The following IL1RAPL2 variants were observed in gnomAD, a reference collection of about 807,000 sequenced individuals.
IL1RAPL2 encodes interleukin 1 receptor accessory protein like 2.
IL1RAPL2 carries 3 observed loss-of-function variants against 44.1 expected under a neutral mutation model. The ratio of observed to expected loss-of-function variants is 0.07; its 90% CI spans 0.03 to 0.18. The LOEUF (loss-of-function observed/expected upper bound fraction) is 0.18. Ranked by LOEUF, IL1RAPL2 falls within the 10% of genes least tolerant of loss-of-function variation. The pLI is 1.00. For missense variants in IL1RAPL2, 391 were observed against 496.4 expected, an observed-to-expected ratio of 0.79 and a Z score of 2.02; for synonymous variants, 181 against 178.8, an observed-to-expected ratio of 1.01 and a Z score of -0.10.
chrX:105,022,984 T>G (rs2147747416), intron 2 of IL1RAPL2, among the ~76,000 whole-genome samples: 1 of 110,894 alleles, frequency 9.0e-6, no homozygotes, highest in East Asian at 2.9e-4. Context: ...ATGAAAAACA[T>G]AAGGCACTAG....
chrX:105,193,647 C>G (rs191795040), intron 2 of IL1RAPL2, among the ~76,000 whole-genome samples: 17 of 111,480 alleles, frequency 1.5e-4, no homozygotes, highest in African/African-American at 5.5e-4. Context: ...TGACAAATGA[C>G]AAGTAAATGA....
chrX:105,514,167 T>G (rs2036493982), intron 6 of IL1RAPL2, among the ~76,000 whole-genome samples: 1 of 111,610 alleles, frequency 9.0e-6, no homozygotes, highest in Non-Finnish European at 1.9e-5. Flanking sequence ...TGGCTAATTT[T>G]CTACCTTCAG....
At chrX:105,464,680 C>T (rs1002434352) in intron 5 of IL1RAPL2, among the ~76,000 whole-genome samples, 5 of 111,605 alleles carry the variant, frequency 4.5e-5, no homozygotes, top group Non-Finnish European at 9.4e-5. Flanking sequence ...ATACTAAGAT[C>T]GTGTTGAAAA....
At chrX:105,200,819 C>A (rs1306265139) in intron 3 of IL1RAPL2, among the ~76,000 whole-genome samples, 1 of 110,541 alleles carries the variant, frequency 9.0e-6, no homozygotes, top group African/African-American at 3.3e-5. Flanking sequence ...GGCTGAGGTA[C>A]GAGAATTGCT....
At chrX:105,664,981 T>C (rs187771777) in intron 6 of IL1RAPL2, among the ~76,000 whole-genome samples, 2 of 112,462 alleles carry the variant, frequency 1.8e-5, no homozygotes, top group Admixed American at 9.4e-5. Flanking sequence ...CTCTTTCTTA[T>C]GATTTTCTTA....
intron 5 of IL1RAPL2, among the ~76,000 whole-genome samples, chrX:105,392,728 T>G (rs1023284962): frequency 9.8e-5 from 11 of 112,030 alleles, no homozygotes; most frequent in Non-Finnish European, 1.9e-4. Flanking sequence ...TATTCTCAAA[T>G]TCAGGTATGG....
chrX:105,031,923 A>T (rs778584066), intron 2 of IL1RAPL2, among the ~76,000 whole-genome samples: 16 of 111,681 alleles, frequency 1.4e-4, no homozygotes, highest in African/African-American at 4.9e-4. Flanking sequence ...TGGTCTCTTC[A>T]GAGATTCAAC....
chrX:105,623,490 G>C (rs187453484), intron 6 of IL1RAPL2, among the ~76,000 whole-genome samples: 3 of 111,005 alleles, frequency 2.7e-5, no homozygotes, highest in African/African-American at 9.8e-5. Context: ...TCTGGGACCA[G>C]GTTTCATTTG....
chrX:104,658,944 G>A lies in IL1RAPL2; in HGVS notation c.31G>A (p.Val11Ile). 2 of 1,207,534 alleles carry A rather than the reference G, an allele frequency of 1.7e-6. No individual in the cohort carries two copies. Among genetic ancestry groups the A allele is most frequent in the Non-Finnish European group, 2.2e-6 (2 of 893,241 alleles). The change falls in exon 2 of 11, where the codon GTC (valine) becomes ATC (isoleucine). Residue 11 changes from valine (V) to isoleucine (I), a missense_variant. Physicochemically the swap from Val to Ile is conservative, Grantham distance 29. Around this residue, in one of 2 missense-constraint regions of IL1RAPL2, gnomAD observed 159 missense variants for 251.7 expected, o/e 0.63. Coordinates refer to ENST00000372582, the MANE Select transcript of IL1RAPL2 (RefSeq NM_017416.2). MKPPFLLALV[V>I]CSVVSTNLKM... is the part of the protein sequence containing the mutation. The stretch of plus-strand genomic sequence containing the variant: ...GCCACCATTTCTTTTGGCCCTTGTG[G>A]TCTGTTCTGTAGTCAGCACAAATCT...
intron 2 of IL1RAPL2, among the ~76,000 whole-genome samples, chrX:105,033,882 T>G (rs2031566302): frequency 8.9e-6 from 1 of 112,032 alleles, no homozygotes; most frequent in Non-Finnish European, 1.9e-5. Flanking sequence ...AGATTTGGTC[T>G]TTTCACATAG....
At position 105,523,503 on chromosome X, in the gene IL1RAPL2, T is replaced by C. The variant is rs752784580; in HGVS notation, c.772+39116T>C. 3.6e-5 allele frequency among the ~76,000 whole-genome samples: 4 copies of C among 111,847 alleles called. No homozygotes were observed. In the South Asian group the frequency reaches 1.5e-3, roughly 41 times the overall value. On this transcript the variant is annotated intron_variant, in intron 6 of 10. Transcript: ENST00000372582. ...ACATCTGTGTTTAAATAATAATAAA[T>C]TTGGCAGGTAATAATTGGTATTTGT... is the stretch of plus-strand genomic sequence containing the variant.
intron 2 of IL1RAPL2, among the ~76,000 whole-genome samples, chrX:104,974,365 T>C (rs1428571372): frequency 1.8e-5 from 2 of 112,315 alleles, no homozygotes; most frequent in Non-Finnish European, 1.9e-5. Flanking sequence ...TCTCTTCAAA[T>C]GAATAAGCCT....
intron 5 of IL1RAPL2, among the ~76,000 whole-genome samples, chrX:105,479,318 G>A (rs1355013738): frequency 1.8e-5 from 2 of 111,784 alleles, no homozygotes; most frequent in Non-Finnish European, 3.8e-5. Context: ...AACTATGGTA[G>A]CTGTTTTTGT....
intron 6 of IL1RAPL2, among the ~76,000 whole-genome samples, chrX:105,601,809 A>G (rs1487651151): frequency 3.6e-5 from 4 of 110,762 alleles, no homozygotes; most frequent in East Asian, 5.7e-4. Context: ...TGACCCCTCA[A>G]TTATCACACT....
chrX:105,139,244 C>G lies in IL1RAPL2; in HGVS notation c.83-56231C>G, dbSNP rs2033104438. ...TGTGTAAAAGGACAAATTCAAGTGC[C>G]AAGTTTGTTGTTGTTGTCACTGCTT... On this transcript the variant is annotated intron_variant, in intron 2 of 10. Coordinates refer to ENST00000372582, the MANE Select transcript of IL1RAPL2 (RefSeq NM_017416.2). Among the ~76,000 whole-genome samples the G allele has an allele frequency of 2.7e-5, 3 of 111,657 alleles. No homozygotes were observed. In the South Asian group the frequency reaches 1.1e-3, roughly 42 times the overall value.
At chrX:104,809,844 G>A (rs1424972405) in intron 2 of IL1RAPL2, among the ~76,000 whole-genome samples, 2 of 111,458 alleles carry the variant, frequency 1.8e-5, no homozygotes, top group Non-Finnish European at 3.8e-5. Flanking sequence ...TTTTCTTCTA[G>A]GGTTTTTATG....
chrX:105,629,664 A>C (rs1287671049), intron 6 of IL1RAPL2, among the ~76,000 whole-genome samples: 1 of 111,718 alleles, frequency 9.0e-6, no homozygotes, highest in Non-Finnish European at 1.9e-5. Flanking sequence ...ACACAAAAAA[A>C]CCCACATAAA....
chrX:104,660,549 A>T (rs1341959470), intron 2 of IL1RAPL2, among the ~76,000 whole-genome samples: 2 of 100,469 alleles, frequency 2.0e-5, no homozygotes, highest in Non-Finnish European at 4.0e-5. Flanking sequence ...ATATATATAT[A>T]TTTTATATAT....
At chrX:105,757,570 A>C (rs150211041) in intron 10 of IL1RAPL2, among the ~76,000 whole-genome samples, 1 of 111,799 alleles carries the variant, frequency 8.9e-6, no homozygotes, top group Non-Finnish European at 1.9e-5. Context: ...GAGATTTTAT[A>C]GTCCATAGAA....
Sources: gnomAD v4.1 joint callset for allele counts (sites outside exome capture counted in the v4.1 genomes callset) on GRCh38, gnomAD v4.1.1 for gene constraint, gnomAD v4.1.1 regional missense constraint, MANE v1.5 for transcripts, NCBI Gene and HGNC (gene_info 2026-07-23, HGNC 2026-07-21) for gene names.